Variants in SLC16A12 observed in about 807,000 individuals in gnomAD.
SLC16A12 encodes the protein solute carrier family 16 member 12, also known as monocarboxylate transporter 12.
Under a neutral mutation model 42.4 loss-of-function variants are expected in SLC16A12, and 17 were observed. The ratio of observed to expected loss-of-function variants is 0.40; its 90% CI spans 0.27 to 0.60. The LOEUF is 0.60. Among genes scored for constraint, SLC16A12 ranks in the 20% least tolerant of loss-of-function variants. SLC16A12 has a pLI of 0.42. For synonymous variants in SLC16A12, 224 were observed against 229.4 expected (o/e 0.98, Z 0.21); for missense variants, 544 against 623.0 (o/e 0.87, Z 1.35).
intron 2 of SLC16A12, among the ~76,000 whole-genome samples, chr10:89,483,682 G>T (rs565111395): frequency 2.0e-5 from 3 of 147,010 alleles, no homozygotes; most frequent in Admixed American, 1.4e-4. Context: ...CATTATAATC[G>T]TGCCTGTGAA....
At chr10:89,466,488 C>T (rs1475538718) in intron 2 of SLC16A12, among the ~76,000 whole-genome samples, 1 of 152,182 alleles carries the variant, frequency 6.6e-6, no homozygotes, top group Non-Finnish European at 1.5e-5. Context: ...CAGAATCATA[C>T]TTATAGTCAA....
Position 89,431,346 on chromosome 10 carries a change from A to G in SLC16A12, c.*1718T>C, listed in dbSNP as rs1022479184. ...GACAAAGTCAATGGGGTTCAAAACT[A>G]AATTCTTAAACTAAGTAAGGAGATA... On this transcript the variant is annotated 3_prime_UTR_variant, in exon 8 of 8. Transcript: ENST00000371790. The G allele has an allele frequency of 6.6e-6, 1 of 152,272 alleles. No homozygotes were observed. The highest frequency in any genetic ancestry group is 1.5e-5 in the Non-Finnish European group (1 of 68,066). The allele number at this position is 152,272 out of a possible 1,614,324, so 9.4% of individuals were successfully genotyped here.
intron 2 of SLC16A12, among the ~76,000 whole-genome samples, chr10:89,524,920 T>C (rs1353345069): frequency 6.6e-6 from 1 of 152,198 alleles, no homozygotes; most frequent in East Asian, 1.9e-4. Context: ...CTTAAAGCTG[T>C]TAAAAGCTAA....
intron 2 of SLC16A12, among the ~76,000 whole-genome samples, chr10:89,530,563 G>T (rs899630085): frequency 6.6e-6 from 1 of 151,780 alleles, no homozygotes; most frequent in Non-Finnish European, 1.5e-5. Context: ...GACTACAGGC[G>T]CCTACCACCA....
chr10:89,505,289 TC>T (rs745577566), intron 2 of SLC16A12, among the ~76,000 whole-genome samples: 9 of 151,856 alleles, frequency 5.9e-5, no homozygotes, highest in Non-Finnish European at 1.2e-4. Context: ...GGTGGCAACA[TC>T]TGTAGTCCCA....
rs142727585 is a variant in SLC16A12 at position 89,529,459 on chromosome 10, C to T, written c.-47+5042G>A. Among the ~76,000 whole-genome samples the T allele has an allele frequency of 8.7e-3, 1,325 of 151,640 alleles. 18 individuals carry two copies. The highest frequency in any genetic ancestry group is 0.012 in the Non-Finnish European group (814 of 67,992). Reference sequence around the variant, plus strand: ...TACTTTGTTTACATATATGAACCACCGAGCCAGAAGACGGTGTTAGGGGGA... The same window carrying T: ...TACTTTGTTTACATATATGAACCACTGAGCCAGAAGACGGTGTTAGGGGGA... On this transcript the variant is annotated intron_variant, in intron 2 of 7. Transcript: ENST00000371790.
At chr10:89,451,572 C>G (rs957036668) in intron 3 of SLC16A12, among the ~76,000 whole-genome samples, 3 of 151,954 alleles carry the variant, frequency 2.0e-5, no homozygotes, top group Admixed American at 6.6e-5. Flanking sequence ...CCACCATGCC[C>G]GGCTAATTTT....
chr10:89,471,874 CTAAT>C (rs1209965643), intron 2 of SLC16A12, among the ~76,000 whole-genome samples: 4 of 152,134 alleles, frequency 2.6e-5, no homozygotes, highest in Non-Finnish European at 4.4e-5. Context: ...TCCCCAATGA[CTAAT>C]TATATTAACC....
intron 6 of SLC16A12, among the ~76,000 whole-genome samples, chr10:89,436,822 G>GGAAA (rs1841794446): frequency 7.5e-6 from 1 of 133,020 alleles, no homozygotes; most frequent in African/African-American, 2.8e-5. Flanking sequence ...AAGGAAGGAA[G>GGAAA]GAAGGAAGGA....
At chr10:89,528,551 T>G (rs973797386) in intron 2 of SLC16A12, among the ~76,000 whole-genome samples, 1 of 152,130 alleles carries the variant, frequency 6.6e-6, no homozygotes. Flanking sequence ...TCACTGAACA[T>G]TCATTCAACC....
chr10:89,550,447 A>C (rs1351988665), intron 2 of SLC16A12, among the ~76,000 whole-genome samples: 1 of 152,182 alleles, frequency 6.6e-6, no homozygotes, highest in African/African-American at 2.4e-5. Flanking sequence ...TGAATCCGGG[A>C]GGCGGAGGTT....
At chr10:89,469,079 A>C (rs569360566) in intron 2 of SLC16A12, among the ~76,000 whole-genome samples, 2 of 152,338 alleles carry the variant, frequency 1.3e-5, no homozygotes, top group African/African-American at 4.8e-5. Context: ...CAGTGAGCTG[A>C]GATCACGCCA....
At chr10:89,460,484 GAGGCT>G (rs1842280460) in intron 3 of SLC16A12, among the ~76,000 whole-genome samples, 1 of 151,500 alleles carries the variant, frequency 6.6e-6, no homozygotes, top group Non-Finnish European at 1.5e-5. Flanking sequence ...CAGCACTTTG[GAGGCT>G]GAGGCGGGTG....
intron 2 of SLC16A12, among the ~76,000 whole-genome samples, chr10:89,524,302 C>T (rs944620798): frequency 2.0e-5 from 3 of 152,176 alleles, no homozygotes; most frequent in African/African-American, 4.8e-5. Flanking sequence ...CACCCACTCC[C>T]TTGTTCAAAA....
intron 3 of SLC16A12, among the ~76,000 whole-genome samples, chr10:89,449,110 A>G (rs1222849128): frequency 1.3e-5 from 2 of 152,256 alleles, no homozygotes; most frequent in African/African-American, 4.8e-5. Context: ...ATAAAAGAGG[A>G]CACAAACAAA....
intron 2 of SLC16A12, among the ~76,000 whole-genome samples, chr10:89,505,823 A>C (rs1051590464): frequency 2.0e-5 from 3 of 152,194 alleles, no homozygotes; most frequent in African/African-American, 7.2e-5. Context: ...TAGCAAACTA[A>C]GATCCATTGG....
chr10:89,456,693 C>T (rs891761255), intron 3 of SLC16A12, among the ~76,000 whole-genome samples: 1 of 152,060 alleles, frequency 6.6e-6, no homozygotes, highest in Non-Finnish European at 1.5e-5. Flanking sequence ...CTGATGCTCT[C>T]CCTCTTCCCA....
At chr10:89,508,022 A>G (rs1454104786) in intron 2 of SLC16A12, among the ~76,000 whole-genome samples, 1 of 152,224 alleles carries the variant, frequency 6.6e-6, no homozygotes, top group East Asian at 1.9e-4. Context: ...CGACAAGAAG[A>G]GATAACTATC....
intron 3 of SLC16A12, among the ~76,000 whole-genome samples, chr10:89,445,011 G>A (rs545027657): frequency 5.9e-5 from 9 of 152,348 alleles, no homozygotes; most frequent in Admixed American, 3.9e-4. Flanking sequence ...GCAGCAGTCC[G>A]AGATCAAACT....
Sources: gnomAD v4.1 joint callset for allele counts (sites outside exome capture counted in the v4.1 genomes callset) on GRCh38, gnomAD v4.1.1 for gene constraint, MANE v1.5 for transcripts, NCBI Gene and HGNC (gene_info 2026-07-23, HGNC 2026-07-21) for gene names.